The following GRM8 variants were observed in gnomAD, a reference collection of about 807,000 sequenced individuals.
The protein encoded by GRM8 is glutamate metabotropic receptor 8, also known as metabotropic glutamate receptor 8.
A neutral mutation model predicts 87.2 loss-of-function variants in GRM8; 47 were observed. That is an observed-to-expected ratio of 0.54 (90% CI 0.43 to 0.69). GRM8 has a LOEUF of 0.69. GRM8 is among the 30% of genes least tolerant of loss of function. The probability of loss-of-function intolerance (pLI) is 0.00; values close to 1 mark genes in which losing one functional copy is unlikely to be tolerated. For missense variants in GRM8, 1,019 were observed against 1,139.2 expected (o/e 0.89, Z 1.52); for synonymous variants, 396 against 404.5 (o/e 0.98, Z 0.25).
rs796898192 is a variant in GRM8 at position 126,526,357 on chromosome 7, C to T, written c.2430+6595G>A. Among the ~76,000 whole-genome samples the T allele has an allele frequency of 5.9e-5, 9 of 152,146 alleles. 1 individual carries two copies. Among genetic ancestry groups the T allele is most frequent in the African/African-American group, 2.2e-4 (9 of 41,432 alleles). Reference sequence around the variant, plus strand: ...ATTCACATTTCAGTCTTAATCAAATCTAGTACCTCAGGATTTTTCAATCAT... The same window carrying T: ...ATTCACATTTCAGTCTTAATCAAATTTAGTACCTCAGGATTTTTCAATCAT... On this transcript the variant is annotated intron_variant, in intron 9 of 10. Coordinates refer to ENST00000339582, the MANE Select transcript of GRM8 (RefSeq NM_000845.3).
intron 9 of GRM8, among the ~76,000 whole-genome samples, chr7:126,493,107 C>T (rs1462431446): frequency 2.6e-5 from 4 of 152,012 alleles, no homozygotes; most frequent in Admixed American, 6.6e-5. Flanking sequence ...GTGGATAAAA[C>T]ATTTTCATCT....
chr7:127,031,978 T>C (rs1035830529), intron 3 of GRM8, among the ~76,000 whole-genome samples: 5 of 152,098 alleles, frequency 3.3e-5, no homozygotes, highest in African/African-American at 4.8e-5. Context: ...GTTGTTCATA[T>C]TCATATGTCT....
chr7:126,483,618 T>C (rs1456343826), intron 9 of GRM8, among the ~76,000 whole-genome samples: 1 of 151,408 alleles, frequency 6.6e-6, no homozygotes, highest in Admixed American at 6.6e-5. Context: ...TTGTTATCTG[T>C]TACTCAAATT....
intron 3 of GRM8, among the ~76,000 whole-genome samples, chr7:126,962,349 C>G (rs1024799041): frequency 3.3e-5 from 5 of 152,114 alleles, no homozygotes; most frequent in African/African-American, 1.2e-4. Flanking sequence ...TTACAATGCC[C>G]CCATGCTGCT....
At chr7:126,713,278 G>A (rs1275674870) in intron 7 of GRM8, among the ~76,000 whole-genome samples, 1 of 152,152 alleles carries the variant, frequency 6.6e-6, no homozygotes, top group Non-Finnish European at 1.5e-5. Flanking sequence ...AAAAAAGAAT[G>A]AGTTCATATC....
intron 9 of GRM8, among the ~76,000 whole-genome samples, chr7:126,448,440 T>C (rs1802260848): frequency 6.6e-6 from 1 of 151,930 alleles, no homozygotes; most frequent in African/African-American, 2.4e-5. Context: ...ATATAAATAA[T>C]AGTCTTCTCT....
chr7:126,858,893 AC>A (rs1453510245), intron 6 of GRM8, among the ~76,000 whole-genome samples: 10 of 152,120 alleles, frequency 6.6e-5, no homozygotes, highest in African/African-American at 2.4e-4. Flanking sequence ...CTTGAACAGG[AC>A]ATACTTTTTC....
chr7:126,851,810 T>C (rs1377245410), intron 6 of GRM8, among the ~76,000 whole-genome samples: 1 of 152,202 alleles, frequency 6.6e-6, no homozygotes, highest in Non-Finnish European at 1.5e-5. Flanking sequence ...CAGATTACCC[T>C]GCTTTATTTT....
intron 9 of GRM8, among the ~76,000 whole-genome samples, chr7:126,522,791 G>A (rs185521034): frequency 2.0e-5 from 3 of 151,720 alleles, no homozygotes; most frequent in East Asian, 3.9e-4. Flanking sequence ...TTCTTCATCC[G>A]TTCACCATCC....
chr7:126,830,999 C>T (rs866037070), intron 6 of GRM8, among the ~76,000 whole-genome samples: 9 of 152,312 alleles, frequency 5.9e-5, no homozygotes, highest in Middle Eastern at 3.4e-3. Context: ...GTATCAGCAG[C>T]GGTGGCTGCA....
chr7:127,014,977 A>G (rs1196356921), intron 3 of GRM8, among the ~76,000 whole-genome samples: 2 of 144,498 alleles, frequency 1.4e-5, no homozygotes, highest in African/African-American at 5.2e-5. Context: ...GAGGAAGAAG[A>G]AGGAGAAGAG....
chr7:126,715,174 T>C (rs759665194), intron 7 of GRM8, among the ~76,000 whole-genome samples: 7 of 152,158 alleles, frequency 4.6e-5, no homozygotes, highest in Admixed American at 1.3e-4. Context: ...CAATGAAAAA[T>C]GCAAGAACGT....
chr7:126,638,492 C>A (rs1488353270), intron 7 of GRM8, among the ~76,000 whole-genome samples: 1 of 152,060 alleles, frequency 6.6e-6, no homozygotes, highest in East Asian at 1.9e-4. Context: ...TAACTCAATG[C>A]AGGATTCTGA....
chr7:126,735,833 T>C (rs1294335967), intron 7 of GRM8, among the ~76,000 whole-genome samples: 1 of 152,014 alleles, frequency 6.6e-6, no homozygotes, highest in Admixed American at 6.6e-5. Flanking sequence ...TGAGTCCCAT[T>C]TGAGCACCTG....
intron 9 of GRM8, among the ~76,000 whole-genome samples, chr7:126,507,210 G>A (rs1299029422): frequency 6.6e-6 from 1 of 152,084 alleles, no homozygotes; most frequent in Non-Finnish European, 1.5e-5. Context: ...TAATTTTCTT[G>A]TGGCAATATG....
At chr7:126,512,674 A>T (rs1246578566) in intron 9 of GRM8, 1 of 152,146 alleles carries the variant, frequency 6.6e-6, no homozygotes. Context: ...ACTCCTTCAA[A>T]AGCAAAATCA....
chr7:126,832,677 C>T, intron 6 of GRM8, among the ~76,000 whole-genome samples: 1 of 152,174 alleles, frequency 6.6e-6, no homozygotes. Context: ...TGCAGGCTTT[C>T]ATTTTGCTAA....
intron 6 of GRM8, among the ~76,000 whole-genome samples, chr7:126,865,478 T>C (rs1017804760): frequency 6.6e-6 from 1 of 152,236 alleles, no homozygotes; most frequent in Non-Finnish European, 1.5e-5. Flanking sequence ...TGGCTTTTAA[T>C]ATATACATAG....
intron 7 of GRM8, among the ~76,000 whole-genome samples, chr7:126,627,339 C>G (rs1800807031): frequency 6.6e-6 from 1 of 152,262 alleles, no homozygotes; most frequent in South Asian, 2.1e-4. Context: ...CTAAACATCC[C>G]ACAAGGCACA....
Sources: gnomAD v4.1 joint callset for allele counts (sites outside exome capture counted in the v4.1 genomes callset) on GRCh38, gnomAD v4.1.1 for gene constraint, MANE v1.5 for transcripts, NCBI Gene and HGNC (gene_info 2026-07-23, HGNC 2026-07-21) for gene names.